Variants in SAMMSON observed in about 807,000 individuals in gnomAD.
SAMMSON encodes survival associated mitochondrial melanoma specific oncogenic non-coding RNA, also known as long intergenic non-protein coding RNA 1212.
intron 3 of SAMMSON, among the ~76,000 whole-genome samples, chr3:70,034,189 A>G (rs1481951103): frequency 2.0e-5 from 3 of 152,198 alleles, no homozygotes; most frequent in Non-Finnish European, 4.4e-5. Context: ...GACATCAAAT[A>G]AAAGTTTATA....
chr3:70,194,917 G>A (rs1701161609), intron 4 of SAMMSON, among the ~76,000 whole-genome samples: 1 of 152,152 alleles, frequency 6.6e-6, no homozygotes, highest in African/African-American at 2.4e-5. Flanking sequence ...GGAGCCAAGA[G>A]GGATGGGACA....
At chr3:70,221,412 C>G (rs1342461116) in intron 4 of SAMMSON, among the ~76,000 whole-genome samples, 3 of 151,978 alleles carry the variant, frequency 2.0e-5, no homozygotes, top group Non-Finnish European at 4.4e-5. Context: ...TTATTCATTG[C>G]TTTTTTACTA....
At chr3:70,312,729 C>T (rs551320344) in intron 7 of SAMMSON, 5 of 144,922 alleles carry the variant, frequency 3.5e-5, no homozygotes, top group Admixed American at 2.1e-4. Flanking sequence ...AACTTGCGGC[C>T]GAGAGTTTTT....
intron 6 of SAMMSON, among the ~76,000 whole-genome samples, chr3:70,257,126 T>C (rs938447515): frequency 6.6e-6 from 1 of 152,222 alleles, no homozygotes; most frequent in Non-Finnish European, 1.5e-5. Context: ...GCTACTTTTC[T>C]AGAAAATGAT....
Position 70,010,280 on chromosome 3 carries a change from C to G in SAMMSON, n.23-2077C>G, listed in dbSNP as rs530369510. On this transcript the variant is annotated intron_variant and non_coding_transcript_variant, in intron 1 of 9. Transcript: ENST00000642114. ...TATTATTGTGTGGGAGTCTAAGTCT[C>G]TTTCTAGATCTCTAAGAACTTGCTT... is the stretch of plus-strand genomic sequence containing the variant. 4.1e-4 allele frequency among the ~76,000 whole-genome samples: 63 copies of G among 152,128 alleles called. No homozygotes were observed. The East Asian group carries it at 4.4e-3, about 11-fold the overall frequency.
intron 6 of SAMMSON, among the ~76,000 whole-genome samples, chr3:70,259,425 AAAAG>A (rs887513524): frequency 4.6e-5 from 7 of 152,086 alleles, no homozygotes; most frequent in South Asian, 4.2e-4. Flanking sequence ...TTAAAAAAAA[AAAAG>A]AAAGAAAGTA....
intron 7 of SAMMSON, among the ~76,000 whole-genome samples, chr3:70,316,785 T>C (rs1246177735): frequency 2.0e-5 from 3 of 152,008 alleles, no homozygotes; most frequent in Non-Finnish European, 4.4e-5. Flanking sequence ...ATTTATGAGA[T>C]CTTAGATCTC....
intron 6 of SAMMSON, among the ~76,000 whole-genome samples, chr3:70,274,194 G>C (rs1702000808): frequency 6.6e-6 from 1 of 151,712 alleles, no homozygotes; most frequent in South Asian, 2.1e-4. Context: ...GGGGATGTGA[G>C]TGTTTGTGTG....
At chr3:70,011,484 T>C (rs998782018) in intron 1 of SAMMSON, among the ~76,000 whole-genome samples, 3 of 152,102 alleles carry the variant, frequency 2.0e-5, no homozygotes, top group Non-Finnish European at 4.4e-5. Context: ...TCAGAATGTG[T>C]ATAATTTGTC....
intron 4 of SAMMSON, among the ~76,000 whole-genome samples, chr3:70,192,449 G>A (rs753415837): frequency 3.3e-5 from 5 of 152,150 alleles, no homozygotes; most frequent in Non-Finnish European, 5.9e-5. Context: ...GCGGCAGACA[G>A]GAAGGAAAAT....
chr3:70,222,707 A>G (rs1701471784), intron 4 of SAMMSON, among the ~76,000 whole-genome samples: 1 of 152,206 alleles, frequency 6.6e-6, no homozygotes, highest in Non-Finnish European at 1.5e-5. Context: ...TGAGCCAGCC[A>G]TACTTTGTAC....
At chr3:70,130,138 C>T (rs2067476280) in intron 4 of SAMMSON, among the ~76,000 whole-genome samples, 1 of 152,202 alleles carries the variant, frequency 6.6e-6, no homozygotes, top group South Asian at 2.1e-4. Flanking sequence ...GAGTCTACAG[C>T]TGTCCCACCA....
chr3:70,067,050 A>G (rs1209276145), intron 3 of SAMMSON, among the ~76,000 whole-genome samples: 4 of 152,088 alleles, frequency 2.6e-5, no homozygotes, highest in Admixed American at 2.6e-4. Flanking sequence ...ACTTTTTAGT[A>G]GTCAATTGTT....
intron 7 of SAMMSON, among the ~76,000 whole-genome samples, chr3:70,315,104 A>C (rs1702486323): frequency 1.3e-5 from 2 of 152,184 alleles, no homozygotes; most frequent in Admixed American, 6.6e-5. Flanking sequence ...AAGCATTAGA[A>C]TAGAATCTCT....
At chr3:70,395,888 C>G (rs747951051) in intron 2 of SAMMSON, among the ~76,000 whole-genome samples, 1 of 152,124 alleles carries the variant, frequency 6.6e-6, no homozygotes, top group Non-Finnish European at 1.5e-5. Context: ...GCTTGGAAAC[C>G]AGACAACCTG....
At position 70,012,930 on chromosome 3, in the gene SAMMSON, A is replaced by C. The variant is rs376874061; in HGVS notation, n.264+332A>C. ...GAAGCACCGTTCTTCCTTTTTATCT[A>C]CCCTAAAAGGCTGAGTAAAGAAGAT... On this transcript the variant is annotated intron_variant and non_coding_transcript_variant, in intron 2 of 9. Coordinates refer to ENST00000642114, the Ensembl canonical transcript of SAMMSON. 2.6e-5 allele frequency among the ~76,000 whole-genome samples: 4 copies of C among 152,128 alleles called. No homozygotes were observed. In the East Asian group the frequency reaches 7.7e-4, roughly 29 times the overall value.
At chr3:70,205,869 G>A (rs1267030329) in intron 4 of SAMMSON, 2 of 151,898 alleles carry the variant, frequency 1.3e-5, no homozygotes, top group African/African-American at 4.8e-5. Context: ...ATCTTGAATG[G>A]TTTTTCTCCT....
chr3:70,303,077 G>A (rs1313897218), intron 7 of SAMMSON, among the ~76,000 whole-genome samples: 1 of 152,170 alleles, frequency 6.6e-6, no homozygotes, highest in Non-Finnish European at 1.5e-5. Context: ...TACATTTAAA[G>A]TAAGTATTCT....
chr3:70,071,278 T>C (rs1559785139), intron 3 of SAMMSON, among the ~76,000 whole-genome samples: 1 of 152,062 alleles, frequency 6.6e-6, no homozygotes, highest in Admixed American at 6.6e-5. Flanking sequence ...AATCTTCAGT[T>C]ATGCGTAGAT....
Sources: allele counts gnomAD v4.1 joint callset (sites outside exome capture counted in the v4.1 genomes callset), GRCh38; gene constraint gnomAD v4.1.1; transcripts MANE v1.5; gene names NCBI Gene and HGNC (gene_info 2026-07-23, HGNC 2026-07-21).